NETO1: variants seen among roughly 807,000 people sequenced by gnomAD.
NETO1 encodes neuropilin and tolloid-like protein 1.
Under a neutral mutation model 61.3 loss-of-function variants are expected in NETO1, and 26 were observed. That is an observed-to-expected ratio of 0.42 (90% CI 0.31 to 0.59). The LOEUF is 0.59. Among genes scored for constraint, NETO1 ranks in the 20% least tolerant of loss-of-function variants. The probability of loss-of-function intolerance (pLI) is 0.12; values close to 1 mark genes in which losing one functional copy is unlikely to be tolerated. For synonymous variants in NETO1, 225 were observed against 225.8 expected (o/e 1.00, Z 0.03); for missense variants, 531 against 662.8 (o/e 0.80, Z 2.18).
intron 4 of NETO1, among the ~76,000 whole-genome samples, chr18:72,799,207 G>A (rs2072420359): frequency 6.6e-6 from 1 of 152,142 alleles, no homozygotes; most frequent in Non-Finnish European, 1.5e-5. Flanking sequence ...CTTTCAGCTA[G>A]CACCATAACT....
Position 72,750,207 on chromosome 18 carries a change from G to A in NETO1, c.1396C>T (p.Leu466Phe), listed in dbSNP as rs2070547685. 3 of 1,614,094 alleles carry A rather than the reference G, an allele frequency of 1.9e-6. No homozygotes were observed. The highest frequency in any genetic ancestry group is 2.5e-6 in the Non-Finnish European group (3 of 1,179,996). ...TTTCTTCTGTTCATGGGTGGGATGA[G>A]GGGTTTTCCTGGCTGTGTGGGCATC... ...TEMPTQPGKP[L>F]IPPMNRRNIL... is the part of the protein sequence containing the mutation. Residue 466 changes from leucine to phenylalanine, a missense_variant, in exon 9 of 11, where the codon CTC becomes TTC. By Grantham distance (22) the Leu-to-Phe change is conservative. Coordinates refer to ENST00000327305, the MANE Select transcript of NETO1 (RefSeq NM_138966.5).
At chr18:72,755,309 T>C (rs1158055465) in intron 8 of NETO1, among the ~76,000 whole-genome samples, 3 of 152,182 alleles carry the variant, frequency 2.0e-5, no homozygotes, top group Non-Finnish European at 4.4e-5. Context: ...GTATTACTTC[T>C]TTACTTCTAT....
chr18:72,817,924 A>C (rs1236863989), intron 4 of NETO1, among the ~76,000 whole-genome samples: 2 of 152,338 alleles, frequency 1.3e-5, no homozygotes, highest in East Asian at 3.9e-4. Flanking sequence ...GTTTCTGACC[A>C]ACGGCCAGTG....
At position 72,786,655 on chromosome 18, in the gene NETO1, A is replaced by G. The variant is rs985488935; in HGVS notation, c.640-2749T>C. Among the ~76,000 whole-genome samples, 4 of 152,210 alleles carry G rather than the reference A, an allele frequency of 2.6e-5. No homozygotes were observed. The Middle Eastern group carries it at 0.01, about 388-fold the overall frequency. ...TTTATCTAAAACTCAGATATTACTC[A>G]TGCAGTCCATCTGTGATTTCTCCTC... is the stretch of plus-strand genomic sequence containing the variant. On this transcript the variant is annotated intron_variant, in intron 6 of 10. Transcript: ENST00000327305.
intron 7 of NETO1, among the ~76,000 whole-genome samples, chr18:72,756,430 T>A (rs1358195455): frequency 6.6e-6 from 1 of 152,156 alleles, no homozygotes; most frequent in African/African-American, 2.4e-5. Context: ...TAAGTAGGCA[T>A]ATTTATTTAG....
At chr18:72,833,376 T>G (rs1172385301) in intron 4 of NETO1, among the ~76,000 whole-genome samples, 1 of 152,184 alleles carries the variant, frequency 6.6e-6, no homozygotes, top group Non-Finnish European at 1.5e-5. Context: ...TTTGCTGTAT[T>G]CTCTGATATC....
intron 4 of NETO1, among the ~76,000 whole-genome samples, chr18:72,844,664 G>A (rs763887294): frequency 5.9e-5 from 9 of 152,032 alleles, no homozygotes; most frequent in Non-Finnish European, 8.8e-5. Context: ...TTATTCATTC[G>A]TTGACTCATT....
At chr18:72,788,709 A>G (rs2072006674) in intron 6 of NETO1, among the ~76,000 whole-genome samples, 1 of 152,200 alleles carries the variant, frequency 6.6e-6, no homozygotes, top group Admixed American at 6.5e-5. Flanking sequence ...AGGACATGGA[A>G]AACTTCAAAA....
At chr18:72,813,791 C>A (rs1001720965) in intron 4 of NETO1, among the ~76,000 whole-genome samples, 1 of 151,900 alleles carries the variant, frequency 6.6e-6, no homozygotes, top group African/African-American at 2.4e-5. Flanking sequence ...AGGCAAGACA[C>A]AGTGAGACAC....
chr18:72,812,978 AT>A (rs1384454592), intron 4 of NETO1, among the ~76,000 whole-genome samples: 1 of 152,194 alleles, frequency 6.6e-6, no homozygotes, highest in African/African-American at 2.4e-5. Flanking sequence ...TACTTTTATA[AT>A]AATTGTTTTT....
chr18:72,844,587 C>T (rs137907122), intron 4 of NETO1, among the ~76,000 whole-genome samples: 317 of 152,314 alleles, frequency 2.1e-3, no homozygotes, highest in African/African-American at 7.0e-3. Flanking sequence ...CTACCAGATA[C>T]GCATGAACAG....
chr18:72,854,479 C>T (rs370451460), intron 4 of NETO1, among the ~76,000 whole-genome samples: 17 of 152,154 alleles, frequency 1.1e-4, no homozygotes, highest in East Asian at 9.7e-4. Context: ...AATTATAAGA[C>T]CAACAAAAGA....
chr18:72,865,651 CAAT>C, intron 1 of NETO1: 1 of 1,579,078 alleles, frequency 6.3e-7, no homozygotes, highest in Non-Finnish European at 8.6e-7. Flanking sequence ...GAGAGGCAAA[CAAT>C]GAGAACAGCT....
At chr18:72,865,660 C>G in intron 1 of NETO1, 1 of 1,573,266 alleles carries the variant, frequency 6.4e-7, no homozygotes, top group Non-Finnish European at 8.6e-7. Flanking sequence ...ACAATGAGAA[C>G]AGCTCCATGA....
intron 7 of NETO1, among the ~76,000 whole-genome samples, chr18:72,780,949 T>C (rs1310449906): frequency 6.6e-6 from 1 of 152,174 alleles, no homozygotes; most frequent in East Asian, 1.9e-4. Context: ...TAAAATCTTT[T>C]TTTGCATTGT....
intron 4 of NETO1, among the ~76,000 whole-genome samples, chr18:72,811,736 T>C (rs1030647793): frequency 6.6e-6 from 1 of 152,140 alleles, no homozygotes; most frequent in Admixed American, 6.5e-5. Context: ...AGCCAACTGT[T>C]CGAGGCTGCA....
intron 6 of NETO1, among the ~76,000 whole-genome samples, chr18:72,786,652 C>G (rs954212597): frequency 1.3e-5 from 2 of 152,052 alleles, no homozygotes; most frequent in Non-Finnish European, 2.9e-5. Flanking sequence ...TCAGATATTA[C>G]TCATGCAGTC....
chr18:72,794,077 A>T, intron 6 of NETO1, 40 bp downstream of exon 6: 1 of 1,613,844 alleles, frequency 6.2e-7, no homozygotes, highest in Non-Finnish European at 8.5e-7. Context: ...GACACTTCTC[A>T]ACGTCAGCTG....
intron 1 of NETO1, 111 bp downstream of exon 1, chr18:72,867,153 G>T: frequency 1.3e-6 from 1 of 782,078 alleles, no homozygotes; most frequent in South Asian, 2.5e-5. Flanking sequence ...GCGCGGGACT[G>T]CAGGGTCCGC....
Sources: allele counts gnomAD v4.1 joint callset (sites outside exome capture counted in the v4.1 genomes callset), GRCh38; gene constraint gnomAD v4.1.1; transcripts MANE v1.5; gene names NCBI Gene and HGNC (gene_info 2026-07-23, HGNC 2026-07-21).